Variants in HSD17B12 observed in about 807,000 individuals in gnomAD.
The protein encoded by HSD17B12 is hydroxysteroid 17-beta dehydrogenase 12.
HSD17B12 carries 32 observed loss-of-function variants against 39.3 expected under a neutral mutation model. That is an observed-to-expected ratio of 0.81 (90% CI 0.61 to 1.09). The LOEUF (loss-of-function observed/expected upper bound fraction) is 1.09. Among genes scored for constraint, HSD17B12 ranks in the 50% least tolerant of loss-of-function variants. The probability of loss-of-function intolerance (pLI) is 0.00; values close to 1 mark genes in which losing one functional copy is unlikely to be tolerated. For synonymous variants in HSD17B12, 150 were observed against 146.7 expected, an observed-to-expected ratio of 1.02 and a Z score of -0.16; for missense variants, 342 against 382.9, an observed-to-expected ratio of 0.89 and a Z score of 0.89.
intron 6 of HSD17B12, among the ~76,000 whole-genome samples, chr11:43,819,001 G>A (rs1210818613): frequency 6.6e-6 from 1 of 152,006 alleles, no homozygotes; most frequent in African/African-American, 2.4e-5. Context: ...TATCTTTTCT[G>A]GTACATTTGG....
chr11:43,605,707 C>T, the HSD17B12 span, among the ~76,000 whole-genome samples: 5 of 152,130 alleles, frequency 3.3e-5, no homozygotes, highest in Non-Finnish European at 7.4e-5. Flanking sequence ...GTATCAGCAG[C>T]TACTCTGAGA....
the HSD17B12 span, among the ~76,000 whole-genome samples, chr11:43,617,622 G>C: frequency 6.6e-6 from 1 of 151,996 alleles, no homozygotes; most frequent in African/African-American, 2.4e-5. Flanking sequence ...AGTAGCTGTC[G>C]AACTAAACTG....
chr11:43,746,791 G>A (rs755826676), intron 1 of HSD17B12, among the ~76,000 whole-genome samples: 6 of 152,156 alleles, frequency 3.9e-5, no homozygotes, highest in Non-Finnish European at 4.4e-5. Flanking sequence ...CCACAAACAC[G>A]TGATTAATGC....
chr11:43,582,255 G>A, the HSD17B12 span, among the ~76,000 whole-genome samples: 8,239 of 152,286 alleles, frequency 0.054, 293 homozygotes, highest in Non-Finnish European at 0.079. Flanking sequence ...GCCCGACTCA[G>A]ACGCTTAGCA....
At chr11:43,813,570 T>C (rs1951092883) in intron 4 of HSD17B12, among the ~76,000 whole-genome samples, 1 of 152,206 alleles carries the variant, frequency 6.6e-6, no homozygotes, top group Admixed American at 6.5e-5. Context: ...ACAGATATTT[T>C]GGGTTTTGCT....
the HSD17B12 span, among the ~76,000 whole-genome samples, chr11:43,574,318 TG>T: frequency 3.7e-4 from 56 of 152,368 alleles, no homozygotes; most frequent in African/African-American, 1.3e-3. Context: ...AAGTGTTTAC[TG>T]GCATCAAAGG....
intron 3 of HSD17B12, among the ~76,000 whole-genome samples, chr11:43,788,796 C>A (rs1307737686): frequency 6.6e-6 from 1 of 151,832 alleles, no homozygotes; most frequent in East Asian, 1.9e-4. Context: ...GTTATAGGAC[C>A]AATTCCATAG....
intron 3 of HSD17B12, among the ~76,000 whole-genome samples, chr11:43,788,847 A>G (rs1950841247): frequency 1.3e-5 from 2 of 152,162 alleles, no homozygotes; most frequent in South Asian, 2.1e-4. Context: ...CACACTTAGA[A>G]GGGTCCATAC....
chr11:43,643,373 G>A, the HSD17B12 span, among the ~76,000 whole-genome samples: 1 of 152,010 alleles, frequency 6.6e-6, no homozygotes, highest in African/African-American at 2.4e-5. Context: ...TAATTAAAAT[G>A]AGAAAAACCT....
At chr11:43,578,701 G>A in the HSD17B12 span, among the ~76,000 whole-genome samples, 1 of 152,064 alleles carries the variant, frequency 6.6e-6, no homozygotes, top group African/African-American at 2.4e-5. Context: ...ATAGGGGTGG[G>A]GGGAGCGGTC....
the HSD17B12 span, among the ~76,000 whole-genome samples, chr11:43,577,047 G>A: frequency 2.0e-5 from 3 of 152,206 alleles, no homozygotes; most frequent in Non-Finnish European, 4.4e-5. Context: ...ATGGGGTTGG[G>A]TAAAGAGAGG....
chr11:43,637,154 G>T, the HSD17B12 span, among the ~76,000 whole-genome samples: 3 of 151,160 alleles, frequency 2.0e-5, no homozygotes, highest in Non-Finnish European at 4.4e-5. Flanking sequence ...CAGTAAATGT[G>T]AAAGCTAATG....
chr11:43,616,977 A>T, the HSD17B12 span, among the ~76,000 whole-genome samples: 33 of 138,094 alleles, frequency 2.4e-4, no homozygotes, highest in Admixed American at 5.9e-4. Context: ...ATCTCAAATT[A>T]AAAAAAAAAA....
chr11:43,747,317 G>A (rs1016669894), intron 1 of HSD17B12, among the ~76,000 whole-genome samples: 4 of 152,216 alleles, frequency 2.6e-5, no homozygotes, highest in African/African-American at 4.8e-5. Context: ...AGTGTTGTGG[G>A]AGTTTAGAAA....
At chr11:43,769,552 C>G (rs1950630073) in intron 3 of HSD17B12, among the ~76,000 whole-genome samples, 1 of 152,182 alleles carries the variant, frequency 6.6e-6, no homozygotes, top group African/African-American at 2.4e-5. Context: ...GTTGATATTT[C>G]TAACTGTTCA....
At chr11:43,777,557 G>A (rs1253290174) in intron 3 of HSD17B12, among the ~76,000 whole-genome samples, 1 of 152,118 alleles carries the variant, frequency 6.6e-6, no homozygotes, top group African/African-American at 2.4e-5. Context: ...TGCAAACAGG[G>A]ACAATTTGAC....
the HSD17B12 span, among the ~76,000 whole-genome samples, chr11:43,570,650 C>T: frequency 6.6e-6 from 1 of 152,156 alleles, no homozygotes; most frequent in Non-Finnish European, 1.5e-5. Flanking sequence ...AGATGTTAGT[C>T]CAGCCTCACA....
At chr11:43,634,075 C>CAAAAAAAAAAAAAAAAAAAAAAA in the HSD17B12 span, among the ~76,000 whole-genome samples, 7 of 37,566 alleles carry the variant, frequency 1.9e-4, 1 homozygote, top group African/African-American at 2.3e-4. Flanking sequence ...AACTCCATCT[C>CAAAAAAAAAAAAAAAAAAAAAAA]AAAAAAAAAA....
At chr11:43,804,373 C>T (rs72894429) in intron 4 of HSD17B12, among the ~76,000 whole-genome samples, 6,452 of 152,246 alleles carry the variant, frequency 0.042, 156 homozygotes, top group South Asian at 0.066. Context: ...AGTCATCCAT[C>T]GACTTTCTTG....
Sources: allele counts gnomAD v4.1 joint callset (sites outside exome capture counted in the v4.1 genomes callset), GRCh38; gene constraint gnomAD v4.1.1; transcripts MANE v1.5; gene names NCBI Gene and HGNC (gene_info 2026-07-23, HGNC 2026-07-21).